The following HS6ST3 variants were observed in gnomAD, a reference collection of about 807,000 sequenced individuals.
HS6ST3 encodes heparan sulfate 6-O-sulfotransferase 3, also known as heparan-sulfate 6-O-sulfotransferase 3.
In HS6ST3, 12 loss-of-function variants were observed where a neutral mutation model predicts 36.7. That is an observed-to-expected ratio of 0.33 (90% CI 0.21 to 0.53). The LOEUF is 0.53. Ranked by LOEUF, HS6ST3 falls within the 20% of genes least tolerant of loss-of-function variation. HS6ST3 has a pLI of 0.95. For missense variants in HS6ST3, 584 were observed against 640.9 expected (o/e 0.91, Z 0.96); for synonymous variants, 240 against 257.5 (o/e 0.93, Z 0.65).
intron 1 of HS6ST3, among the ~76,000 whole-genome samples, chr13:96,303,480 A>C (rs1318587353): frequency 1.3e-5 from 2 of 152,182 alleles, no homozygotes; most frequent in East Asian, 3.9e-4. Context: ...GAAATGTTAC[A>C]TTCATTTCAA....
chr13:96,330,749 G>A (rs1301534633), intron 1 of HS6ST3, among the ~76,000 whole-genome samples: 2 of 150,708 alleles, frequency 1.3e-5, no homozygotes, highest in African/African-American at 4.9e-5. Flanking sequence ...GATTGGGGAA[G>A]TTCTCCTGGA....
intron 1 of HS6ST3, among the ~76,000 whole-genome samples, chr13:96,663,008 T>C (rs2056651797): frequency 6.6e-6 from 1 of 152,138 alleles, no homozygotes; most frequent in Non-Finnish European, 1.5e-5. Context: ...GTGGGATGCC[T>C]GCTGCCCTAA....
intron 1 of HS6ST3, among the ~76,000 whole-genome samples, chr13:96,440,300 A>G (rs1307322359): frequency 6.6e-6 from 1 of 152,124 alleles, no homozygotes; most frequent in Non-Finnish European, 1.5e-5. Flanking sequence ...TATAAAAATT[A>G]GCCAGGCATA....
intron 1 of HS6ST3, among the ~76,000 whole-genome samples, chr13:96,549,150 G>A (rs1198036986): frequency 2.0e-5 from 3 of 151,998 alleles, no homozygotes; most frequent in African/African-American, 7.2e-5. Flanking sequence ...TTATCCCAAA[G>A]CAGGGGGCTG....
At chr13:96,395,911 A>T (rs972243638) in intron 1 of HS6ST3, among the ~76,000 whole-genome samples, 5 of 152,110 alleles carry the variant, frequency 3.3e-5, no homozygotes, top group Non-Finnish European at 4.4e-5. Flanking sequence ...GGTAAGAAAG[A>T]GGTGGAAGAA....
chr13:96,294,300 T>C (rs924898236), intron 1 of HS6ST3, among the ~76,000 whole-genome samples: 1 of 152,184 alleles, frequency 6.6e-6, no homozygotes, highest in Non-Finnish European at 1.5e-5. Context: ...CTTGAATACC[T>C]TCTGTTGATA....
chr13:96,215,440 T>C (rs1738482938), intron 1 of HS6ST3, among the ~76,000 whole-genome samples: 1 of 152,196 alleles, frequency 6.6e-6, no homozygotes, highest in Admixed American at 6.5e-5. Context: ...TATAAAGAAA[T>C]GTTGCCTTTC....
chr13:96,531,972 C>A (rs1474352909), intron 1 of HS6ST3, among the ~76,000 whole-genome samples: 1 of 152,180 alleles, frequency 6.6e-6, no homozygotes, highest in East Asian at 1.9e-4. Flanking sequence ...CCTTCTCTTT[C>A]TCTTCTAAAT....
At chr13:96,628,567 GAT>G (rs1396749669) in intron 1 of HS6ST3, among the ~76,000 whole-genome samples, 1 of 151,996 alleles carries the variant, frequency 6.6e-6, no homozygotes, top group Non-Finnish European at 1.5e-5. Flanking sequence ...ATTTTTGAGA[GAT>G]TGCATTAAAA....
chr13:96,601,007 G>A (rs1409306351), intron 1 of HS6ST3, among the ~76,000 whole-genome samples: 3 of 152,018 alleles, frequency 2.0e-5, no homozygotes, highest in Non-Finnish European at 2.9e-5. Flanking sequence ...ACCCCTTTTG[G>A]CTTGGAAGGT....
In HS6ST3 at chr13:96,281,632, C is replaced by T. The variant is rs147990639; in HGVS notation, c.707+190063C>T. 7.2e-4 allele frequency among the ~76,000 whole-genome samples: 110 copies of T among 152,280 alleles called. 3 individuals carry two copies. Among genetic ancestry groups the T allele is most frequent in the African/African-American group, 2.5e-3 (106 of 41,574 alleles). ...CCTGCATTCAGAAGTATTTACTAGA[C>T]ATCTTGAAATTACTGGAAATGTTTT... On this transcript the variant is annotated intron_variant, in intron 1 of 1. Transcript: ENST00000376705.
At chr13:96,799,186 A>G (rs187234352) in intron 1 of HS6ST3, among the ~76,000 whole-genome samples, 1 of 152,236 alleles carries the variant, frequency 6.6e-6, no homozygotes, top group African/African-American at 2.4e-5. Context: ...GAATTGCCAC[A>G]CTGACTTCCA....
chr13:96,348,962 AAG>A (rs2055168795), intron 1 of HS6ST3, among the ~76,000 whole-genome samples: 1 of 152,244 alleles, frequency 6.6e-6, no homozygotes, highest in Non-Finnish European at 1.5e-5. Flanking sequence ...CCAATAGGGA[AAG>A]AGATTTAAAA....
intron 1 of HS6ST3, among the ~76,000 whole-genome samples, chr13:96,334,381 G>C (rs151205470): frequency 6.6e-6 from 1 of 152,172 alleles, no homozygotes; most frequent in African/African-American, 2.4e-5. Flanking sequence ...AAAGATCCCT[G>C]ACGTCTCCCC....
intron 1 of HS6ST3, among the ~76,000 whole-genome samples, chr13:96,699,917 A>G (rs952240062): frequency 6.6e-6 from 1 of 152,230 alleles, no homozygotes; most frequent in Non-Finnish European, 1.5e-5. Flanking sequence ...ATATTGCTGA[A>G]TCAGTGCTAA....
intron 1 of HS6ST3, among the ~76,000 whole-genome samples, chr13:96,235,209 T>C (rs1012141073): frequency 4.6e-5 from 7 of 152,182 alleles, no homozygotes; most frequent in African/African-American, 1.4e-4. Context: ...TATATATGAC[T>C]AAATGTATAG....
intron 1 of HS6ST3, among the ~76,000 whole-genome samples, chr13:96,677,134 T>A (rs1363119008): frequency 6.6e-6 from 1 of 152,150 alleles, no homozygotes; most frequent in East Asian, 1.9e-4. Context: ...GAACTTAGGT[T>A]ACATTATATG....
At chr13:96,598,879 T>A (rs994592793) in intron 1 of HS6ST3, among the ~76,000 whole-genome samples, 1 of 152,142 alleles carries the variant, frequency 6.6e-6, no homozygotes, top group East Asian at 1.9e-4. Context: ...GTTTCTATCA[T>A]AAAGGAATGC....
chr13:96,547,238 T>G (rs1268397921), intron 1 of HS6ST3, among the ~76,000 whole-genome samples: 1 of 152,220 alleles, frequency 6.6e-6, no homozygotes, highest in African/African-American at 2.4e-5. Context: ...GCAGGGCATG[T>G]GTGCAAGTTA....
Sources: gnomAD v4.1 joint callset for allele counts (sites outside exome capture counted in the v4.1 genomes callset) on GRCh38, gnomAD v4.1.1 for gene constraint, MANE v1.5 for transcripts, NCBI Gene and HGNC (gene_info 2026-07-23, HGNC 2026-07-21) for gene names.